DDX60: variants seen among roughly 807,000 people sequenced by gnomAD.
DDX60 encodes DExD/H-box helicase 60, also known as probable ATP-dependent RNA helicase DDX60.
Under a neutral mutation model 212.8 loss-of-function variants are expected in DDX60, and 165 were observed. The ratio of observed to expected loss-of-function variants is 0.78; its 90% CI spans 0.68 to 0.88. The LOEUF is 0.88. Ranked by LOEUF, DDX60 falls within the 40% of genes least tolerant of loss-of-function variation. DDX60 has a pLI of 0.00. For missense variants in DDX60, 1,905 were observed against 2,003.9 expected, an observed-to-expected ratio of 0.95 and a Z score of 0.94; for synonymous variants, 703 against 685.3, an observed-to-expected ratio of 1.03 and a Z score of -0.40.
intron 35 of DDX60, among the ~76,000 whole-genome samples, chr4:168,223,316 A>G (rs532219769): frequency 6.2e-5 from 9 of 145,830 alleles, no homozygotes; most frequent in African/African-American, 1.9e-4. Flanking sequence ...ATTAAAATAA[A>G]CAATAAAAGC....
chr4:168,280,389 C>A lies in DDX60; in HGVS notation c.1924G>T (p.Val642Leu). 1 of 1,614,158 alleles carries A rather than the reference C, an allele frequency of 6.2e-7. No individual in the cohort carries two copies. Among genetic ancestry groups the A allele is most frequent in the Non-Finnish European group, 8.5e-7 (1 of 1,180,012 alleles). Residue 642 changes from valine to leucine, a missense_variant, in exon 14 of 38, where the codon GTG becomes TTG. Coordinates refer to ENST00000393743, the MANE Select transcript of DDX60 (RefSeq NM_017631.6). ...SSCVKLQVEMVGLTACLKAWK... is the reference protein window; with the variant it reads ...SSCVKLQVEMLGLTACLKAWK... ...GCTTTCAAGCAAGCAGTTAACCCCA[C>A]CATTTCAACCTGAAGTTTCACACAG...
chr4:168,287,200 A>T lies in DDX60; in HGVS notation c.1187T>A (p.Leu396Gln). ...AATGGTATCTCCCAAATTCAAATGT[A>T]GGCCTACATAACAATTAAAAACACT... Reference protein sequence around the residue: ...FYYENENVKGLHLNLGDTIMK... With the variant: ...FYYENENVKGQHLNLGDTIMK... The change falls in exon 10 of 38, where the codon CTA (leucine) becomes CAA (glutamine). Residue 396 changes from leucine (L) to glutamine (Q), a missense_variant. Transcript: ENST00000393743. 4 of 1,604,522 alleles carry T rather than the reference A, an allele frequency of 2.5e-6. No individual in the cohort carries two copies. The highest frequency in any genetic ancestry group is 3.4e-6 in the Non-Finnish European group (4 of 1,174,782).
At chr4:168,228,657 C>T (rs974010426) in intron 33 of DDX60, among the ~76,000 whole-genome samples, 3 of 151,960 alleles carry the variant, frequency 2.0e-5, no homozygotes, top group Non-Finnish European at 2.9e-5. Context: ...AACTTCAGTT[C>T]TATGTATTAT....
chr4:168,258,870 A>G (rs115742698), intron 25 of DDX60, among the ~76,000 whole-genome samples: 1,574 of 152,274 alleles, frequency 0.01, 32 homozygotes, highest in African/African-American at 0.036. Flanking sequence ...TCATACCCGA[A>G]GGACAGTAAC....
rs1477987291 is a variant in DDX60, at chr4:168,311,290, C to T, written c.-31G>A. ...CTGCTGCCTGTGCCTCCAACCTGAA[C>T]TGGCAAGTATTAAAGGTAGCAAATA... On this transcript the variant is annotated 5_prime_UTR_variant, in exon 2 of 38. Coordinates refer to ENST00000393743, the MANE Select transcript of DDX60 (RefSeq NM_017631.6). 4 of 1,612,156 alleles carry T rather than the reference C, an allele frequency of 2.5e-6. No homozygotes were observed. The highest frequency in any genetic ancestry group is 2.5e-6 in the Non-Finnish European group (3 of 1,179,172).
intron 6 of DDX60, among the ~76,000 whole-genome samples, chr4:168,294,399 A>C (rs2149537724): frequency 6.6e-6 from 1 of 152,332 alleles, no homozygotes; most frequent in Admixed American, 6.5e-5. Flanking sequence ...CAAAAGCAAA[A>C]ATAGCCAAAT....
At chr4:168,310,963 T>A in intron 3 of DDX60, 35 bp downstream of exon 3, 1 of 1,269,070 alleles carries the variant, frequency 7.9e-7, no homozygotes, top group Non-Finnish European at 1.1e-6. Flanking sequence ...ACATGAGCTA[T>A]GATTTCCCGT....
intron 3 of DDX60, among the ~76,000 whole-genome samples, chr4:168,308,741 A>G (rs1208380022): frequency 6.7e-6 from 1 of 148,786 alleles, no homozygotes; most frequent in African/African-American, 2.4e-5. Flanking sequence ...ACACCAATAT[A>G]AATACTGATA....
chr4:168,257,702 T>C (rs554337207), intron 25 of DDX60, among the ~76,000 whole-genome samples: 1 of 152,186 alleles, frequency 6.6e-6, no homozygotes. Flanking sequence ...ATAACCTACA[T>C]TTTATGTCAA....
chr4:168,260,585 C>T (rs1671315), intron 25 of DDX60, among the ~76,000 whole-genome samples: 1 of 152,030 alleles, frequency 6.6e-6, no homozygotes, highest in Non-Finnish European at 1.5e-5. Flanking sequence ...GATGAAACTG[C>T]CCCACCTCAG....
chr4:168,323,205 A>G (rs1737639256), upstream of DDX60, among the ~76,000 whole-genome samples: 2 of 152,120 alleles, frequency 1.3e-5, no homozygotes. Flanking sequence ...TGAGAGTAGG[A>G]GGGCTTTCCT....
chr4:168,255,979 C>T, intron 25 of DDX60, 110 bp from the exon 26 acceptor site: 1 of 1,126,138 alleles, frequency 8.9e-7, no homozygotes, highest in Non-Finnish European at 1.2e-6. Flanking sequence ...GTTTTTAATA[C>T]CCACCTTTAT....
rs561817321 is a variant in DDX60 at position 168,261,934 on chromosome 4, A to T, written c.3273+66T>A. The stretch of plus-strand genomic sequence containing the variant: ...TTAAAAAAAATCAGAAAATGGTATT[A>T]ACTGAATGATATAACTCAAGAAAAC... On this transcript the variant is annotated intron_variant, in intron 24 of 37. Coordinates refer to ENST00000393743, the MANE Select transcript of DDX60 (RefSeq NM_017631.6). 322 of 1,522,042 alleles carry T rather than the reference A, an allele frequency of 2.1e-4. No homozygotes were observed. The Middle Eastern group carries it at 4.0e-3, about 19-fold the overall frequency. 94.3% of individuals were successfully genotyped at this position (1,522,042 alleles called of 1,614,324 possible). A position where few individuals can be genotyped will look rare whatever the true frequency, so the allele number is the denominator to read the frequency against.
chr4:168,240,300 C>T (rs748022705), intron 30 of DDX60, among the ~76,000 whole-genome samples: 15 of 152,084 alleles, frequency 9.9e-5, no homozygotes, highest in Non-Finnish European at 1.8e-4. Flanking sequence ...AACTACAAAC[C>T]ACTGCTCAAG....
At chr4:168,277,164 C>T (rs1489507844) in intron 14 of DDX60, among the ~76,000 whole-genome samples, 1 of 152,192 alleles carries the variant, frequency 6.6e-6, no homozygotes. Context: ...CCTCTTTCTG[C>T]CTCTTCTTTT....
At chr4:168,258,370 C>A (rs1734497570) in intron 25 of DDX60, among the ~76,000 whole-genome samples, 1 of 152,296 alleles carries the variant, frequency 6.6e-6, no homozygotes, top group South Asian at 2.1e-4. Context: ...AAGTTTGGGT[C>A]TGGCCATGAA....
chr4:168,321,284 G>A (rs1394165344), upstream of DDX60, among the ~76,000 whole-genome samples: 18 of 151,994 alleles, frequency 1.2e-4, no homozygotes, highest in Non-Finnish European at 2.6e-4. Flanking sequence ...ACTCCCAAAT[G>A]TTTGTCCTAT....
chr4:168,272,012 G>C, intron 19 of DDX60, 31 bp downstream of exon 19: 2 of 1,479,412 alleles, frequency 1.4e-6, no homozygotes, highest in Non-Finnish European at 1.9e-6. Flanking sequence ...GTGCACTAGG[G>C]AATTAAGCAA....
chr4:168,307,733 C>T (rs1314695005), intron 4 of DDX60, among the ~76,000 whole-genome samples: 20 of 152,132 alleles, frequency 1.3e-4, no homozygotes, highest in Non-Finnish European at 2.9e-5. Flanking sequence ...ATCCAGAGTT[C>T]AACTGGGCCG....
Sources: gnomAD v4.1 joint callset for allele counts (sites outside exome capture counted in the v4.1 genomes callset) on GRCh38, gnomAD v4.1.1 for gene constraint, MANE v1.5 for transcripts, NCBI Gene and HGNC (gene_info 2026-07-23, HGNC 2026-07-21) for gene names.